SUFU: variants seen among roughly 807,000 people sequenced by gnomAD.
SUFU encodes suppressor of fused homolog.
SUFU carries 7 observed loss-of-function variants against 58.9 expected under a neutral mutation model. The ratio of observed to expected loss-of-function variants is 0.12; its 90% CI spans 0.07 to 0.22. The LOEUF is 0.22. SUFU is among the 10% of genes least tolerant of loss of function. The probability of loss-of-function intolerance (pLI) is 1.00; values close to 1 mark genes in which losing one functional copy is unlikely to be tolerated. For missense variants in SUFU, 451 were observed against 641.3 expected, an observed-to-expected ratio of 0.70 and a Z score of 3.20; for synonymous variants, 232 against 254.8, an observed-to-expected ratio of 0.91 and a Z score of 0.85.
chr10:102,541,499 A>G (rs1288448909), intron 2 of SUFU, among the ~76,000 whole-genome samples: 2 of 151,186 alleles, frequency 1.3e-5, no homozygotes, highest in Admixed American at 6.6e-5. Context: ...TCTGGGTTCA[A>G]GCGATTCCCC....
intron 3 of SUFU, chr10:102,590,753 G>C (rs1165227607): frequency 6.6e-6 from 1 of 152,138 alleles, no homozygotes; most frequent in Non-Finnish European, 1.5e-5. Context: ...GTATGTTGTT[G>C]GTGGGGGTTA....
At chr10:102,518,519 G>GTCTGTCTATCTATCTATCTATCTATCTA (rs1554842626) in intron 2 of SUFU, among the ~76,000 whole-genome samples, 22 of 147,114 alleles carry the variant, frequency 1.5e-4, no homozygotes, top group African/African-American at 2.0e-4. Flanking sequence ...CTGTCTGTCT[G>GTCTGTCTATCTATCTATCTATCTATCTA]TCTATCTATC....
chr10:102,602,670 G>A (rs952813429), intron 8 of SUFU, among the ~76,000 whole-genome samples: 7 of 152,216 alleles, frequency 4.6e-5, no homozygotes, highest in African/African-American at 1.7e-4. Flanking sequence ...CTCAGGGCTA[G>A]GGGATTTCTT....
At chr10:102,608,289 G>A (rs1306884630) in intron 8 of SUFU, among the ~76,000 whole-genome samples, 2 of 152,148 alleles carry the variant, frequency 1.3e-5, no homozygotes, top group Non-Finnish European at 2.9e-5. Context: ...AGTTGTCTCC[G>A]AGGAGGGGAG....
chr10:102,547,140 G>C (rs1191775675), intron 2 of SUFU, among the ~76,000 whole-genome samples: 1 of 152,194 alleles, frequency 6.6e-6, no homozygotes, highest in East Asian at 1.9e-4. Context: ...GAAAGCCCTG[G>C]AGTAATAGTC....
At chr10:102,604,502 C>T (rs868462517) in intron 8 of SUFU, among the ~76,000 whole-genome samples, 4 of 152,214 alleles carry the variant, frequency 2.6e-5, no homozygotes, top group South Asian at 2.1e-4. Context: ...TCAGTCCAAA[C>T]GCTGCATCCC....
intron 3 of SUFU, among the ~76,000 whole-genome samples, chr10:102,557,882 G>A (rs536947428): frequency 2.0e-5 from 3 of 151,776 alleles, no homozygotes; most frequent in African/African-American, 7.3e-5. Context: ...TTTTAACTTC[G>A]GTGTTTTGTT....
intron 3 of SUFU, 65 bp from the exon 4 acceptor site, chr10:102,592,517 C>T: frequency 2.5e-6 from 4 of 1,596,338 alleles, no homozygotes; most frequent in Non-Finnish European, 1.7e-6. Flanking sequence ...AGTGAGATCC[C>T]AGCCCAGATT....
intron 2 of SUFU, among the ~76,000 whole-genome samples, chr10:102,517,661 C>G (rs1269092855): frequency 1.3e-5 from 2 of 152,208 alleles, no homozygotes; most frequent in African/African-American, 4.8e-5. Context: ...TGTATCTTGC[C>G]TCTGAGGTAT....
Position 102,629,137 on chromosome 10 carries a change from C to A in SUFU, c.1366-929C>A, listed in dbSNP as rs1410930393. 6.6e-6 allele frequency among the ~76,000 whole-genome samples: 1 copy of A among 152,118 alleles called. No individual in the cohort carries two copies. The highest frequency in any genetic ancestry group is 1.9e-4 in the East Asian group (1 of 5,180). ...CGCCATTGCACTCCAGCCTGGGCAACAAGAGCGAAACTCCGTCTCAAAAGA... is the reference window on the plus strand; with the variant it reads ...CGCCATTGCACTCCAGCCTGGGCAAAAAGAGCGAAACTCCGTCTCAAAAGA... On this transcript the variant is annotated intron_variant, in intron 11 of 11. Coordinates refer to ENST00000369902, the MANE Select transcript of SUFU (RefSeq NM_016169.4). The surrounding 1 kb of genome is among the most constrained non-coding windows in gnomAD (Gnocchi z 4.7).
At chr10:102,542,764 A>G (rs2062816770) in intron 2 of SUFU, among the ~76,000 whole-genome samples, 1 of 151,928 alleles carries the variant, frequency 6.6e-6, no homozygotes, top group Admixed American at 6.6e-5. Flanking sequence ...AGCTGGGACT[A>G]CAGGCACGTG....
chr10:102,627,027 G>A (rs1590091927), intron 10 of SUFU, 148 bp from the exon 11 acceptor site: 2 of 817,046 alleles, frequency 2.4e-6, no homozygotes, highest in African/African-American at 1.7e-5. Flanking sequence ...GCTGGGGACA[G>A]GCCTCAAACA....
In SUFU at chr10:102,550,024, G is replaced by A. The variant is rs756604684; in HGVS notation, c.372G>A (p.Leu124=). Residue 124 remains leucine, a synonymous_variant, in exon 3 of 12, where the codon CTG becomes CTA. Coordinates refer to ENST00000369902, the MANE Select transcript of SUFU (RefSeq NM_016169.4). ...TTGGCTTTGAGTTGACCTTTCGTCT[G>A]AAGAGAGAAACTGGGGAGTCTGCCC... ...SGFGFELTFR[L]KRETGESAPP... is the part of the protein sequence containing the mutation. The A allele has an allele frequency of 1.2e-6, 2 of 1,614,200 alleles. No individual in the cohort carries two copies. Among genetic ancestry groups the A allele is most frequent in the Non-Finnish European group, 8.5e-7 (1 of 1,180,036 alleles).
At chr10:102,620,429 CCAGGAGAGTCAG>C (rs578122522) in intron 10 of SUFU, among the ~76,000 whole-genome samples, 1 of 152,304 alleles carries the variant, frequency 6.6e-6, no homozygotes, top group South Asian at 2.1e-4. Flanking sequence ...CAGTCCAGAC[CCAGGAGAGTCAG>C]GGCCCCAGCA....
At chr10:102,607,249 T>C (rs1367268380) in intron 8 of SUFU, among the ~76,000 whole-genome samples, 5 of 152,014 alleles carry the variant, frequency 3.3e-5, no homozygotes, top group Non-Finnish European at 7.4e-5. Context: ...GGGGTTTTAC[T>C]GCGTTGCCCA....
chr10:102,580,220 G>A (rs1023771336), intron 3 of SUFU, among the ~76,000 whole-genome samples: 1 of 152,178 alleles, frequency 6.6e-6, no homozygotes, highest in Admixed American at 6.5e-5. Context: ...AAAGGCAGGG[G>A]TGCGAAATTC....
intron 3 of SUFU, among the ~76,000 whole-genome samples, chr10:102,551,411 T>C (rs974112644): frequency 6.6e-6 from 1 of 152,022 alleles, no homozygotes; most frequent in East Asian, 2.0e-4. Context: ...GCCGAGGTGG[T>C]TGGATCACCT....
chr10:102,571,228 TAGTC>T (rs1165842166), intron 3 of SUFU, among the ~76,000 whole-genome samples: 2 of 152,300 alleles, frequency 1.3e-5, no homozygotes, highest in South Asian at 2.1e-4. Context: ...AGAAGAAAAA[TAGTC>T]AGTACTAATA....
rs1268149623 is a variant in SUFU at position 102,504,338 on chromosome 10, T to C, written c.182+4T>C. On this transcript the variant is annotated splice_donor_region_variant and intron_variant, in intron 1 of 11. Transcript: ENST00000369902. ...TTACCGCTATCGTCAAGTACTGGTATGCTCTGGGCCGCGGGGAGACGGACA... is the reference window on the plus strand; with the variant it reads ...TTACCGCTATCGTCAAGTACTGGTACGCTCTGGGCCGCGGGGAGACGGACA... 1.2e-6 allele frequency: 2 copies of C among 1,614,078 alleles called. No homozygotes were observed. The highest frequency in any genetic ancestry group is 1.1e-5 in the South Asian group (1 of 91,078).
Sources: allele counts gnomAD v4.1 joint callset (sites outside exome capture counted in the v4.1 genomes callset), GRCh38; gene constraint gnomAD v4.1.1; non-coding constraint Gnocchi (gnomAD v3.1); transcripts MANE v1.5; gene names NCBI Gene and HGNC (gene_info 2026-07-23, HGNC 2026-07-21).